The following TRPM7 variants were observed in gnomAD, a reference collection of about 807,000 sequenced individuals.
The protein encoded by TRPM7 is LTRPC ion channel family member 7.
In TRPM7, 134 loss-of-function variants were observed where a neutral mutation model predicts 229.7. The ratio of observed to expected loss-of-function variants is 0.58; its 90% CI spans 0.51 to 0.67. The LOEUF is 0.67. Ranked by LOEUF, TRPM7 falls within the 30% of genes least tolerant of loss-of-function variation. The pLI, the probability that TRPM7 is intolerant of heterozygous loss-of-function variation, is 0.00. For synonymous variants in TRPM7, 699 were observed against 715.2 expected (o/e 0.98, Z 0.36); for missense variants, 1,901 against 2,210.0 (o/e 0.86, Z 2.80).
intron 12 of TRPM7, among the ~76,000 whole-genome samples, chr15:50,623,456 A>G (rs2060472369): frequency 6.6e-6 from 1 of 151,150 alleles, no homozygotes; most frequent in South Asian, 2.1e-4. Flanking sequence ...AGTAAATAGT[A>G]GGTAGACATT....
In TRPM7 at chr15:50,648,805, C is replaced by A. The variant is rs56064201; in HGVS notation, c.203G>T (p.Gly68Val). 1.2e-6 allele frequency: 2 copies of A among 1,613,258 alleles called. No individual in the cohort carries two copies. Among genetic ancestry groups the A allele is most frequent in the East Asian group, 4.5e-5 (2 of 44,828 alleles). ...LAMKYSDVKLGDHFNQAIEEW... is the reference protein window; with the variant it reads ...LAMKYSDVKLVDHFNQAIEEW... ...TTCTATTGCCTGATTAAAATGGTCA[C>A]CCAATTTCACATCTGAGTATTTCAT... Residue 68 changes from glycine (G) to valine (V), a missense_variant, in exon 4 of 39, where the codon GGT (glycine) becomes GTT (valine). Physicochemically the swap from Gly to Val is moderately radical, Grantham distance 109. Coordinates refer to ENST00000646667, the MANE Select transcript of TRPM7 (RefSeq NM_017672.6).
chr15:50,606,343 C>T lies in TRPM7; in HGVS notation c.2709+857G>A, dbSNP rs368186619. On this transcript the variant is annotated intron_variant, in intron 20 of 38. Transcript: ENST00000646667. ...GCAGTGAGCTGAGATTGTGCCACTG[C>T]ACTCCAGCCTGGGTCACAGAGGGAG... Among the ~76,000 whole-genome samples, 380 of 152,158 alleles carry T rather than the reference C, an allele frequency of 2.5e-3. 2 individuals are homozygous for T. Among genetic ancestry groups the T allele is most frequent in the African/African-American group, 8.7e-3 (362 of 41,520 alleles).
intron 20 of TRPM7, among the ~76,000 whole-genome samples, chr15:50,606,272 G>A (rs1255287107): frequency 3.9e-5 from 6 of 151,904 alleles, no homozygotes; most frequent in Non-Finnish European, 8.8e-5. Context: ...CCAGCTACTA[G>A]TGAGGGTGAG....
chr15:50,576,509 T>G (rs2054142859), intron 31 of TRPM7, among the ~76,000 whole-genome samples: 1 of 152,220 alleles, frequency 6.6e-6, no homozygotes, highest in South Asian at 2.1e-4. Flanking sequence ...ACTTTAAAAA[T>G]GTGTATATAC....
chr15:50,588,801 C>A (rs1205001256), intron 27 of TRPM7, among the ~76,000 whole-genome samples: 3 of 152,206 alleles, frequency 2.0e-5, no homozygotes, highest in Non-Finnish European at 4.4e-5. Context: ...ACCAACTTTG[C>A]AGGCAAGAAT....
intron 1 of TRPM7, among the ~76,000 whole-genome samples, chr15:50,673,524 G>A (rs921468018): frequency 5.3e-5 from 8 of 152,030 alleles, no homozygotes; most frequent in Admixed American, 5.2e-4. Context: ...TATGATGTTT[G>A]GTTTTCCATT....
chr15:50,577,894 C>T (rs907048147), intron 31 of TRPM7, among the ~76,000 whole-genome samples: 8 of 152,052 alleles, frequency 5.3e-5, no homozygotes, highest in Non-Finnish European at 8.8e-5. Context: ...GCACAAATTA[C>T]CACTATCCAC....
chr15:50,632,324 G>C (rs2060763919), intron 9 of TRPM7, among the ~76,000 whole-genome samples: 4 of 151,874 alleles, frequency 2.6e-5, no homozygotes. Context: ...ATAAAGAAAA[G>C]AACGTGAAAC....
chr15:50,632,950 G>A lies in TRPM7; in HGVS notation c.1050C>T (p.Ile350=). Residue 350 remains isoleucine (I), a synonymous_variant, in exon 9 of 39, where the codon ATC becomes ATT. Coordinates refer to ENST00000646667, the MANE Select transcript of TRPM7 (RefSeq NM_017672.6). ...TCTGGCCAAAGTTAAATGTTTTTTT[G>A]ATAGTGGAAATAATATCGGGCTCTG... The part of the protein sequence containing the change: ...DAAEPDIIST[I]KKTFNFGQNE... The A allele has an allele frequency of 6.2e-7, 1 of 1,605,072 alleles. No individual in the cohort carries two copies. Among genetic ancestry groups the A allele is most frequent in the Non-Finnish European group, 8.5e-7 (1 of 1,176,880 alleles).
At position 50,570,165 on chromosome 15, in the gene TRPM7, T is replaced by A. The variant is rs745391391; in HGVS notation, c.5309-10A>T. 2.5e-6 allele frequency: 4 copies of A among 1,572,860 alleles called. No individual in the cohort carries two copies. In the East Asian group the frequency reaches 9.0e-5, roughly 35 times the overall value. On this transcript the variant is annotated splice_polypyrimidine_tract_variant and intron_variant, in intron 36 of 38. Coordinates refer to ENST00000646667, the MANE Select transcript of TRPM7 (RefSeq NM_017672.6). The stretch of plus-strand genomic sequence containing the variant: ...AAATTTTCACCAACACCTTTATATG[T>A]GTATATAAAAAAGACAAATAATTTA...
chr15:50,588,109 A>T, intron 27 of TRPM7: 1 of 447,420 alleles, frequency 2.2e-6, no homozygotes, highest in Non-Finnish European at 3.0e-6. Flanking sequence ...CGCTGAACCT[A>T]CACCTATTTC....
intron 27 of TRPM7, 48 bp downstream of exon 27, chr15:50,589,544 A>G (rs778821785): frequency 7.8e-7 from 1 of 1,282,582 alleles, no homozygotes; most frequent in East Asian, 2.4e-5. Flanking sequence ...AAACATCAAG[A>G]CAGTAAAATA....
chr15:50,583,698 T>A (rs923366818), intron 28 of TRPM7, among the ~76,000 whole-genome samples: 1 of 151,334 alleles, frequency 6.6e-6, no homozygotes, highest in African/African-American at 2.4e-5. Context: ...TGCCTCAGCC[T>A]CCCTAGTAGC....
In TRPM7 at chr15:50,559,603, G is replaced by T. The variant is rs933909312; in HGVS notation, c.*2075C>A. Reference sequence around the variant, plus strand: ...CGTTGCTACTTATTATTAAATAAACGTAAGAATCTTATGGACGTTACTTTA... The same window carrying T: ...CGTTGCTACTTATTATTAAATAAACTTAAGAATCTTATGGACGTTACTTTA... On this transcript the variant is annotated 3_prime_UTR_variant, in exon 39 of 39. Transcript: ENST00000646667. 2.6e-5 allele frequency: 4 copies of T among 152,116 alleles called. No homozygotes were observed. Among genetic ancestry groups the T allele is most frequent in the Non-Finnish European group, 5.9e-5 (4 of 68,038 alleles). 9.4% of individuals were successfully genotyped at this position (152,116 alleles called of 1,614,324 possible). A position where few individuals can be genotyped will look rare whatever the true frequency, so the allele number is the denominator to read the frequency against.
chr15:50,583,388 A>G (rs1296516531), intron 28 of TRPM7, among the ~76,000 whole-genome samples: 11 of 151,712 alleles, frequency 7.3e-5, no homozygotes, highest in Non-Finnish European at 1.5e-5. Context: ...AGTATGAAGT[A>G]AAAAAAAATT....
At chr15:50,642,529 G>C (rs974777082) in intron 5 of TRPM7, among the ~76,000 whole-genome samples, 9 of 152,174 alleles carry the variant, frequency 5.9e-5, no homozygotes, top group African/African-American at 2.2e-4. Flanking sequence ...TAGTGACTGA[G>C]TTCTCCCAAG....
chr15:50,683,543 T>C (rs1472184594), intron 1 of TRPM7, among the ~76,000 whole-genome samples: 1 of 151,918 alleles, frequency 6.6e-6, no homozygotes, highest in African/African-American at 2.4e-5. Context: ...GAGACCAGCC[T>C]GGCCAACATG....
chr15:50,678,539 T>C (rs200198922), intron 1 of TRPM7, among the ~76,000 whole-genome samples: 3,011 of 138,084 alleles, frequency 0.022, 72 homozygotes, highest in African/African-American at 0.055. Flanking sequence ...TATATATATA[T>C]ATACACACAC....
rs759172767 is a variant in TRPM7, at chr15:50,578,661, T to C, written c.4596A>G (p.Pro1532=). ...LQDRPSNREM[P]SEEGTLNGLT... ...CACCATTTAATGTTCCTTCTTCAGA[T>C]GGCCTAAAGAAACACCAAAAAATAT... The change falls in exon 31 of 39, where the codon CCA becomes CCG. Residue 1532 remains proline, a synonymous_variant. Coordinates refer to ENST00000646667, the MANE Select transcript of TRPM7 (RefSeq NM_017672.6). 1 of 1,608,536 alleles carries C rather than the reference T, an allele frequency of 6.2e-7. No individual in the cohort carries two copies. Among genetic ancestry groups the C allele is most frequent in the South Asian group, 1.1e-5 (1 of 90,086 alleles).
Sources: allele counts gnomAD v4.1 joint callset (sites outside exome capture counted in the v4.1 genomes callset), GRCh38; gene constraint gnomAD v4.1.1; transcripts MANE v1.5; gene names NCBI Gene and HGNC (gene_info 2026-07-23, HGNC 2026-07-21).